The following FANCM variants were observed in gnomAD, a reference collection of about 807,000 sequenced individuals.
The protein encoded by FANCM is FA complementation group M, also known as Fanconi anemia group M protein.
FANCM carries 140 observed loss-of-function variants against 199.5 expected under a neutral mutation model. That is an observed-to-expected ratio of 0.70 (90% CI 0.61 to 0.81). FANCM has a LOEUF of 0.81. Ranked by LOEUF, FANCM falls within the 30% of genes least tolerant of loss-of-function variation. The probability of loss-of-function intolerance (pLI) is 0.00; values close to 1 mark genes in which losing one functional copy is unlikely to be tolerated. For synonymous variants in FANCM, 840 were observed against 836.8 expected, an observed-to-expected ratio of 1.00 and a Z score of -0.07; for missense variants, 2,410 against 2,421.4, an observed-to-expected ratio of 1.00 and a Z score of 0.10.
intron 12 of FANCM, 29 bp downstream of exon 12, chr14:45,170,775 T>G (rs1888289388): frequency 1.9e-6 from 3 of 1,589,704 alleles, no homozygotes; most frequent in Non-Finnish European, 2.6e-6. Flanking sequence ...CAGATGTTCT[T>G]TTCCCCCCCC....
At chr14:45,156,083 C>A in intron 8 of FANCM, among the ~76,000 whole-genome samples, 1 of 151,954 alleles carries the variant, frequency 6.6e-6, no homozygotes, top group East Asian at 1.9e-4. Flanking sequence ...TAGAGGAGTG[C>A]TGTTTTATAT....
rs1383624464 is a variant in FANCM, at chr14:45,137,056, C to T, written c.509-13C>T. Reference sequence around the variant, plus strand: ...CTGAAGTTTAGAATGTAGAATGTCACTTTTATTTTCAGGGTCTACACAAGC... The same window carrying T: ...CTGAAGTTTAGAATGTAGAATGTCATTTTTATTTTCAGGGTCTACACAAGC... On this transcript the variant is annotated splice_polypyrimidine_tract_variant and intron_variant, in intron 1 of 22. Coordinates refer to ENST00000267430, the MANE Select transcript of FANCM (RefSeq NM_020937.4). 3.1e-6 allele frequency: 5 copies of T among 1,603,138 alleles called. No homozygotes were observed. The highest frequency in any genetic ancestry group is 2.2e-5 in the East Asian group (1 of 44,798).
Position 45,153,414 on chromosome 14 carries a change from C to G in FANCM, c.1051-506C>G, listed in dbSNP as rs1886958146. ...GTCAGATATTTTCACAGGACGTATA[C>G]TTGGTATTAAAGGTTGGCATTAAAA... is the stretch of plus-strand genomic sequence containing the variant. On this transcript the variant is annotated intron_variant, in intron 5 of 22. Coordinates refer to ENST00000267430, the MANE Select transcript of FANCM (RefSeq NM_020937.4). 3.3e-5 allele frequency among the ~76,000 whole-genome samples: 5 copies of G among 152,286 alleles called. No individual in the cohort carries two copies. The South Asian group carries it at 1.0e-3, about 32-fold the overall frequency.
chr14:45,196,623 T>A, intron 21 of FANCM, 76 bp downstream of exon 21: 1 of 1,424,658 alleles, frequency 7.0e-7, no homozygotes, highest in Non-Finnish European at 9.7e-7. Flanking sequence ...TCTTCTATTA[T>A]TAGGATGTGG....
chr14:45,165,744 T>C (rs772013093), intron 10 of FANCM, among the ~76,000 whole-genome samples: 7 of 152,168 alleles, frequency 4.6e-5, no homozygotes, highest in Non-Finnish European at 1.0e-4. Context: ...TGGGTTCTAA[T>C]TGTATTCCCT....
At chr14:45,136,686 T>A in intron 1 of FANCM, 147 bp downstream of exon 1, 1 of 782,452 alleles carries the variant, frequency 1.3e-6, no homozygotes, top group Non-Finnish European at 2.2e-6. Context: ...TGAATAGGGT[T>A]GCTTTATTCA....
chr14:45,170,603 A>C lies in FANCM; in HGVS notation c.2017A>C (p.Ser673Arg), dbSNP rs756249141. The change falls in exon 12 of 23, where the codon AGC becomes CGC. Residue 673 changes from serine (S) to arginine (R), a missense_variant. Transcript: ENST00000267430. ...TCAACTTATAGGAATGAGGCAAAGT[A>C]GCCTAAAGAAAGATTGGTTCTTATC... ...FSYRDGMRQS[S>R]LKKDWFLSEE... The C allele has an allele frequency of 7.5e-6, 12 of 1,599,392 alleles. No homozygotes were observed. In the African/African-American group the frequency reaches 1.6e-4, roughly 21 times the overall value.
intron 11 of FANCM, 122 bp from the exon 12 acceptor site, chr14:45,170,467 A>G (rs1462882469): frequency 3.0e-6 from 2 of 660,360 alleles, no homozygotes; most frequent in Non-Finnish European, 5.4e-6. Context: ...TTGAGGTTAC[A>G]GTGAGTTATG....
chr14:45,143,860 A>G (rs1396432555), intron 3 of FANCM, among the ~76,000 whole-genome samples: 1 of 151,372 alleles, frequency 6.6e-6, no homozygotes, highest in African/African-American at 2.4e-5. Context: ...TGCTCAGCTA[A>G]TTTTTGTATT....
At chr14:45,173,310 T>C in intron 13 of FANCM, 100 bp downstream of exon 13, 1 of 1,090,368 alleles carries the variant, frequency 9.2e-7, no homozygotes, top group South Asian at 1.3e-5. Flanking sequence ...ATACTTTGTT[T>C]TTCTGTATAG....
intron 18 of FANCM, among the ~76,000 whole-genome samples, chr14:45,186,857 T>C (rs1293547827): frequency 6.6e-6 from 1 of 152,136 alleles, no homozygotes; most frequent in African/African-American, 2.4e-5. Flanking sequence ...TCTGACATAA[T>C]TTAGTAGAAT....
chr14:45,167,168 A>G lies in FANCM; in HGVS notation c.2002+5A>G, dbSNP rs1888042696. The G allele has an allele frequency of 8.9e-6, 14 of 1,580,086 alleles. No individual in the cohort carries two copies. Among genetic ancestry groups the G allele is most frequent in the Non-Finnish European group, 1.2e-5 (14 of 1,149,190 alleles). ...CTATCTTTTCCTATAGGGATGGTAA[A>G]TAAATTTTGCATTTGACACATGCAT... is the stretch of plus-strand genomic sequence containing the variant. On this transcript the variant is annotated splice_donor_5th_base_variant and intron_variant, in intron 11 of 22. Transcript: ENST00000267430.
At position 45,135,983 on chromosome 14, in the gene FANCM, TG is replaced by T. The variant is rs747204422; in HGVS notation, c.-48del. On this transcript the variant is annotated 5_prime_UTR_variant, in exon 1 of 23. Transcript: ENST00000267430. The stretch of plus-strand genomic sequence containing the variant: ...GGGATCGGAACCGTAGCGGTTGAGC[TG>T]CTGCTGCTACGGATATCTGACAGAA... The T allele has an allele frequency of 2.5e-6, 4 of 1,595,846 alleles. No individual in the cohort carries two copies. The South Asian group carries it at 4.4e-5, about 18-fold the overall frequency.
chr14:45,189,596 A>C (rs1436859509), intron 20 of FANCM, among the ~76,000 whole-genome samples: 2 of 152,204 alleles, frequency 1.3e-5, no homozygotes, highest in Non-Finnish European at 2.9e-5. Context: ...CTATGTAAGG[A>C]AACTTGATAA....
At position 45,196,248 on chromosome 14, in the gene FANCM, A is replaced by G. The variant is rs1421505080; in HGVS notation, c.5417A>G (p.His1806Arg). 2 of 1,614,074 alleles carry G rather than the reference A, an allele frequency of 1.2e-6. No homozygotes were observed. Among genetic ancestry groups the G allele is most frequent in the South Asian group, 1.1e-5 (1 of 91,082 alleles). The change falls in exon 21 of 23, where the codon CAT (histidine) becomes CGT (arginine). Residue 1806 changes from histidine (H) to arginine (R), a missense_variant. Coordinates refer to ENST00000267430, the MANE Select transcript of FANCM (RefSeq NM_020937.4). Reference protein sequence around the residue: ...SKSRPHLAGTHTSLRLPQEGK... With the variant: ...SKSRPHLAGTRTSLRLPQEGK... ...TCAAGACCACATTTAGCTGGGACAC[A>G]TACTTCTCTTAGACTTCCGCAGGAA...
intron 4 of FANCM, among the ~76,000 whole-genome samples, chr14:45,150,212 T>C (rs143906343): frequency 7.5e-4 from 115 of 152,382 alleles, no homozygotes; most frequent in African/African-American, 2.4e-3. Context: ...TTTTTTGTTT[T>C]TAAATTGTTT....
intron 9 of FANCM, among the ~76,000 whole-genome samples, chr14:45,161,451 T>C (rs1028397963): frequency 2.2e-4 from 33 of 152,174 alleles, no homozygotes; most frequent in African/African-American, 7.9e-4. Context: ...CTTGGAGAGT[T>C]TGGGGCAGAG....
chr14:45,192,575 A>G (rs1358809627), intron 20 of FANCM, among the ~76,000 whole-genome samples: 1 of 152,150 alleles, frequency 6.6e-6, no homozygotes, highest in Non-Finnish European at 1.5e-5. Flanking sequence ...GCTGGGAGAG[A>G]GAGGTTGCAG....
intron 13 of FANCM, among the ~76,000 whole-genome samples, chr14:45,174,510 A>G (rs1018815065): frequency 2.6e-5 from 4 of 152,194 alleles, no homozygotes; most frequent in African/African-American, 9.6e-5. Flanking sequence ...GTTTTAGCTA[A>G]TAACTTAGAG....
Sources: allele counts gnomAD v4.1 joint callset (sites outside exome capture counted in the v4.1 genomes callset), GRCh38; gene constraint gnomAD v4.1.1; transcripts MANE v1.5; gene names NCBI Gene and HGNC (gene_info 2026-07-23, HGNC 2026-07-21).